Variants in TNFAIP8 observed in about 807,000 individuals in gnomAD.
TNFAIP8 encodes the protein TNF alpha induced protein 8, also known as tumor necrosis factor alpha-induced protein 8.
TNFAIP8 carries 7 observed loss-of-function variants against 13.3 expected under a neutral mutation model. The observed-to-expected ratio is 0.52, with a 90% CI of 0.30 to 0.99. TNFAIP8 has a LOEUF of 0.99. Among genes scored for constraint, TNFAIP8 ranks in the 50% least tolerant of loss-of-function variants. The pLI is 0.07. For missense variants in TNFAIP8, 258 were observed against 236.9 expected (o/e 1.09, Z -0.58); for synonymous variants, 94 against 87.6 (o/e 1.07, Z -0.41).
At chr5:119,272,675 T>A (rs1391090030) in intron 1 of TNFAIP8, among the ~76,000 whole-genome samples, 2 of 152,190 alleles carry the variant, frequency 1.3e-5, no homozygotes. Flanking sequence ...AATAATCAAA[T>A]AATACCCAGC....
At chr5:119,333,582 C>T (rs1169919312) in intron 1 of TNFAIP8, 21 of 1,535,440 alleles carry the variant, frequency 1.4e-5, no homozygotes, top group East Asian at 2.4e-5. Flanking sequence ...TACCAAGATA[C>T]TGTGAAGTTG....
At chr5:119,386,544 G>T (rs886265119) in intron 1 of TNFAIP8, among the ~76,000 whole-genome samples, 1 of 118,914 alleles carries the variant, frequency 8.4e-6, no homozygotes, top group African/African-American at 3.3e-5. Context: ...TTTGTTTTGC[G>T]GGGGAGGAGT....
chr5:119,278,852 T>A (rs1748546615), intron 1 of TNFAIP8, among the ~76,000 whole-genome samples: 1 of 152,206 alleles, frequency 6.6e-6, no homozygotes, highest in African/African-American at 2.4e-5. Flanking sequence ...TGACTTTTTC[T>A]TATTCTTTTT....
chr5:119,310,286 G>A (rs1484017405), intron 1 of TNFAIP8, among the ~76,000 whole-genome samples: 1 of 152,164 alleles, frequency 6.6e-6, no homozygotes, highest in African/African-American at 2.4e-5. Flanking sequence ...CTAGAAACAT[G>A]GTAAGGTCGT....
intron 1 of TNFAIP8, among the ~76,000 whole-genome samples, chr5:119,278,284 GGCGGA>G (rs1158330962): frequency 1.3e-5 from 2 of 151,096 alleles, no homozygotes; most frequent in African/African-American, 2.4e-5. Flanking sequence ...CCTCTTTGTG[GGCGGA>G]AATAGCTTTC....
At chr5:119,282,693 T>TG (rs1748668425) in intron 1 of TNFAIP8, among the ~76,000 whole-genome samples, 1 of 152,220 alleles carries the variant, frequency 6.6e-6, no homozygotes, top group South Asian at 2.1e-4. Context: ...CCCTGGCATG[T>TG]GGGGCATAGA....
rs1753130418 is a variant in TNFAIP8, at chr5:119,398,780, G to A, written c.*5399G>A. 4 of 152,102 alleles carry A rather than the reference G, an allele frequency of 2.6e-5. No homozygotes were observed. Among genetic ancestry groups the A allele is most frequent in the Admixed American group, 6.5e-5 (1 of 15,270 alleles). The allele number at this position is 152,102 out of a possible 1,614,324, so 9.4% of individuals were successfully genotyped here. On this transcript the variant is annotated 3_prime_UTR_variant, in exon 2 of 2. Transcript: ENST00000504771. Reference sequence around the variant, plus strand: ...CACAAGACGCGGAAATAAAAACTCAGAGTATAAATATCTATATTGTTACCA... The same window carrying A: ...CACAAGACGCGGAAATAAAAACTCAAAGTATAAATATCTATATTGTTACCA...
At chr5:119,305,090 A>G (rs1749510992) in intron 1 of TNFAIP8, among the ~76,000 whole-genome samples, 1 of 152,218 alleles carries the variant, frequency 6.6e-6, no homozygotes, top group Non-Finnish European at 1.5e-5. Context: ...TTGGAAGTGT[A>G]GATTCCAGTG....
intron 1 of TNFAIP8, among the ~76,000 whole-genome samples, chr5:119,283,322 A>G (rs1011956857): frequency 6.6e-6 from 1 of 152,226 alleles, no homozygotes; most frequent in Admixed American, 6.5e-5. Context: ...TTCTACAAAA[A>G]CAATGATGAA....
At chr5:119,317,367 T>C (rs537677468) in intron 1 of TNFAIP8, among the ~76,000 whole-genome samples, 36 of 152,222 alleles carry the variant, frequency 2.4e-4, no homozygotes, top group African/African-American at 8.7e-4. Context: ...GAATGAACCA[T>C]TTGAAAGTGA....
At chr5:119,351,815 T>G (rs1751173272), upstream of TNFAIP8, among the ~76,000 whole-genome samples, 1 of 145,886 alleles carries the variant, frequency 6.9e-6, no homozygotes, top group African/African-American at 2.7e-5. Context: ...TTTGAGATGG[T>G]GTCTCACTCT....
chr5:119,327,156 G>C (rs1368315734), intron 1 of TNFAIP8, among the ~76,000 whole-genome samples: 1 of 152,184 alleles, frequency 6.6e-6, no homozygotes, highest in Non-Finnish European at 1.5e-5. Flanking sequence ...TCCTGGAAAT[G>C]TCTGTTCCCA....
At chr5:119,352,266 C>G (rs965739003), upstream of TNFAIP8, among the ~76,000 whole-genome samples, 2 of 152,206 alleles carry the variant, frequency 1.3e-5, no homozygotes, top group East Asian at 3.8e-4. Flanking sequence ...ACACAGATCT[C>G]TCCCGCATAT....
chr5:119,355,431 C>G (rs944935365), upstream of TNFAIP8: 6 of 697,254 alleles, frequency 8.6e-6, no homozygotes, highest in African/African-American at 8.8e-5. Flanking sequence ...CAAAAGGCCC[C>G]GCTCTGGGAC....
intron 1 of TNFAIP8, among the ~76,000 whole-genome samples, chr5:119,337,293 G>A (rs1342225267): frequency 3.3e-5 from 5 of 152,154 alleles, no homozygotes; most frequent in African/African-American, 1.2e-4. Context: ...GCCAACCAAG[G>A]TGATTTCATG....
At chr5:119,281,086 TG>T (rs1748611648) in intron 1 of TNFAIP8, among the ~76,000 whole-genome samples, 1 of 152,144 alleles carries the variant, frequency 6.6e-6, no homozygotes, top group Admixed American at 6.5e-5. Flanking sequence ...TCCTGCTCTT[TG>T]ATTTGTTAAG....
At chr5:119,303,466 T>A (rs183887079) in intron 1 of TNFAIP8, among the ~76,000 whole-genome samples, 1 of 152,186 alleles carries the variant, frequency 6.6e-6, no homozygotes, top group Non-Finnish European at 1.5e-5. Flanking sequence ...CCTGTGCCTC[T>A]TGTGGGTCAG....
At chr5:119,300,951 C>T (rs1257098470) in intron 1 of TNFAIP8, among the ~76,000 whole-genome samples, 2 of 151,322 alleles carry the variant, frequency 1.3e-5, no homozygotes, top group Non-Finnish European at 2.9e-5. Flanking sequence ...CTCCGAGGCA[C>T]AGTTTTAGGG....
chr5:119,357,688 G>T (rs1751483114), intron 1 of TNFAIP8, among the ~76,000 whole-genome samples: 1 of 151,602 alleles, frequency 6.6e-6, no homozygotes, highest in Non-Finnish European at 1.5e-5. Flanking sequence ...GGTTAATGGG[G>T]CCCCTTCTGC....
Sources: allele counts gnomAD v4.1 joint callset (sites outside exome capture counted in the v4.1 genomes callset), GRCh38; gene constraint gnomAD v4.1.1; transcripts MANE v1.5; gene names NCBI Gene and HGNC (gene_info 2026-07-23, HGNC 2026-07-21).